Variants in SLC26A5 observed in about 807,000 individuals in gnomAD.
The protein encoded by SLC26A5 is solute carrier family 26 member 5, also known as prestin.
SLC26A5 carries 51 observed loss-of-function variants against 81.0 expected under a neutral mutation model. The observed-to-expected ratio is 0.63, with a 90% CI of 0.50 to 0.80. The LOEUF (loss-of-function observed/expected upper bound fraction) is 0.80, where lower values mean the gene tolerates loss of function less well. Among genes scored for constraint, SLC26A5 ranks in the 30% least tolerant of loss-of-function variants. SLC26A5 has a pLI of 0.00. For synonymous variants in SLC26A5, 325 were observed against 332.8 expected (o/e 0.98, Z 0.25); for missense variants, 771 against 905.8 (o/e 0.85, Z 1.91).
At chr7:103,405,668 T>C (rs995400901) in intron 8 of SLC26A5, among the ~76,000 whole-genome samples, 2 of 152,144 alleles carry the variant, frequency 1.3e-5, no homozygotes, top group Admixed American at 6.5e-5. Flanking sequence ...GGGTCCCACT[T>C]GAGAAGGCAG....
At position 103,378,528 on chromosome 7, in the gene SLC26A5, A is replaced by G. The variant is rs202170366; in HGVS notation, c.1703T>C (p.Met568Thr). Residue 568 changes from methionine (M) to threonine (T), a missense_variant, in exon 17 of 20, where the codon ATG becomes ACG. Met to Thr is a moderately conservative substitution (Grantham distance 81). Coordinates refer to ENST00000306312, the MANE Select transcript of SLC26A5 (RefSeq NM_198999.3). The stretch of plus-strand genomic sequence containing the variant: ...CCGCATGGCCTTTCTCCTTGCTCCC[A>G]TGATGACTGCTGGGTTCACTCCAGT... ...RKTGVNPAVIMGARRKAMRKY... is the reference protein window; with the variant it reads ...RKTGVNPAVITGARRKAMRKY... The G allele has an allele frequency of 4.3e-6, 7 of 1,614,144 alleles. 1 individual carries two copies. Among genetic ancestry groups the G allele is most frequent in the South Asian group, 1.1e-5 (1 of 91,070 alleles).
At chr7:103,359,438 T>G (rs957157846) in intron 19 of SLC26A5, among the ~76,000 whole-genome samples, 1 of 152,286 alleles carries the variant, frequency 6.6e-6, no homozygotes, top group East Asian at 1.9e-4. Context: ...AATTCCAGAA[T>G]AGAATATTTT....
chr7:103,402,662 G>A (rs560133381), intron 8 of SLC26A5, among the ~76,000 whole-genome samples: 2 of 152,098 alleles, frequency 1.3e-5, no homozygotes, highest in Admixed American at 6.6e-5. Context: ...GCCTCCCAAA[G>A]TGCTCGGATT....
intron 9 of SLC26A5, among the ~76,000 whole-genome samples, 174 bp downstream of exon 9, chr7:103,397,758 T>G (rs1225076580): frequency 6.6e-6 from 1 of 151,642 alleles, no homozygotes; most frequent in Non-Finnish European, 1.5e-5. Flanking sequence ...TTGTTATGTG[T>G]TTTTTACTAC....
chr7:103,379,035 T>C (rs1821576254), intron 16 of SLC26A5, among the ~76,000 whole-genome samples: 1 of 152,190 alleles, frequency 6.6e-6, no homozygotes, highest in Admixed American at 6.5e-5. Flanking sequence ...GGCTGCACAA[T>C]GTTTATGTAC....
rs1352257966 is a variant in SLC26A5, at chr7:103,410,407, C to T, written c.713G>A (p.Ser238Asn). ...YLFGVKTKRY[S>N]GIFSVVYSTV... ...TACATACACCACGGAAAAGATTCCA[C>T]TGTACCGCTTTGTTTTAACTCCAAA... is the stretch of plus-strand genomic sequence containing the variant. Residue 238 changes from serine to asparagine, a missense_variant, in exon 7 of 20, where the codon AGT becomes AAT. Physicochemically the swap from Ser to Asn is conservative, Grantham distance 46. Coordinates refer to ENST00000306312, the MANE Select transcript of SLC26A5 (RefSeq NM_198999.3). The T allele has an allele frequency of 1.2e-6, 2 of 1,614,018 alleles. No homozygotes were observed. The highest frequency in any genetic ancestry group is 1.7e-6 in the Non-Finnish European group (2 of 1,179,996).
intron 4 of SLC26A5, among the ~76,000 whole-genome samples, chr7:103,419,068 T>C (rs1825137221): frequency 6.6e-6 from 1 of 152,120 alleles, no homozygotes; most frequent in Non-Finnish European, 1.5e-5. Flanking sequence ...CGAGGGGCAG[T>C]TCCCCACACA....
In SLC26A5 at chr7:103,388,487, C is replaced by G. The variant is rs1369264993; in HGVS notation, c.1514+521G>C. On this transcript the variant is annotated intron_variant, in intron 14 of 19. Transcript: ENST00000306312. ...AAGTGCTGGGATTACAGGCGTGAGC[C>G]ACTGCACCCAACCATATATTTTTTT... 3 of 208,398 alleles carry G rather than the reference C, an allele frequency of 1.4e-5. No homozygotes were observed. In the East Asian group the frequency reaches 3.3e-4, roughly 23 times the overall value. The allele number at this position is 208,398 out of a possible 1,614,324, so 12.9% of individuals were successfully genotyped here.
At chr7:103,416,157 C>T (rs1824893510) in intron 4 of SLC26A5, among the ~76,000 whole-genome samples, 1 of 152,094 alleles carries the variant, frequency 6.6e-6, no homozygotes, top group Non-Finnish European at 1.5e-5. Flanking sequence ...TTTTAGGATA[C>T]TATAGTTTTA....
At chr7:103,364,926 G>GAA in intron 19 of SLC26A5, among the ~76,000 whole-genome samples, 1 of 137,286 alleles carries the variant, frequency 7.3e-6, no homozygotes, top group South Asian at 2.3e-4. Context: ...GAGAAAGTGA[G>GAA]AACATAGGTT....
chr7:103,426,867 T>G (rs1057442955), intron 2 of SLC26A5, among the ~76,000 whole-genome samples: 1 of 152,142 alleles, frequency 6.6e-6, no homozygotes, highest in South Asian at 2.1e-4. Flanking sequence ...TGATTGAAAT[T>G]ATAAATCACC....
chr7:103,436,398 G>T (rs1170612131), intron 2 of SLC26A5, among the ~76,000 whole-genome samples: 2 of 152,076 alleles, frequency 1.3e-5, no homozygotes, highest in African/African-American at 4.8e-5. Context: ...TTTGTTACAT[G>T]CTTCACATAC....
At position 103,392,739 on chromosome 7, in the gene SLC26A5, G is replaced by A. The variant is rs561297311; in HGVS notation, c.1119+180C>T. On this transcript the variant is annotated intron_variant, in intron 10 of 19. Coordinates refer to ENST00000306312, the MANE Select transcript of SLC26A5 (RefSeq NM_198999.3). ...ACTACAGGGGCCTGCCACCATGCCC[G>A]GCTAATTTTTTGTATTTTCAGTAGA... 5.3e-5 allele frequency among the ~76,000 whole-genome samples: 8 copies of A among 152,192 alleles called. No homozygotes were observed. In the South Asian group the frequency reaches 8.3e-4, roughly 16 times the overall value.
intron 19 of SLC26A5, among the ~76,000 whole-genome samples, chr7:103,366,872 T>C (rs1820744559): frequency 6.6e-6 from 1 of 152,200 alleles, no homozygotes. Context: ...TGGCATGATC[T>C]TGGCTCACTG....
At chr7:103,415,945 C>T (rs944282428) in intron 4 of SLC26A5, among the ~76,000 whole-genome samples, 1 of 152,172 alleles carries the variant, frequency 6.6e-6, no homozygotes, top group African/African-American at 2.4e-5. Context: ...GCTTGATCCT[C>T]TGGTGTTCTT....
downstream of SLC26A5, among the ~76,000 whole-genome samples, chr7:103,372,095 G>A (rs994686849): frequency 6.6e-6 from 1 of 152,188 alleles, no homozygotes; most frequent in African/African-American, 2.4e-5. Context: ...CTGAGGTTCT[G>A]CAACTACATG....
At chr7:103,438,026 T>C (rs1184580048) in intron 2 of SLC26A5, among the ~76,000 whole-genome samples, 1 of 152,172 alleles carries the variant, frequency 6.6e-6, no homozygotes, top group Non-Finnish European at 1.5e-5. Flanking sequence ...AAAACTAATC[T>C]ATGGTGATGG....
chr7:103,373,099 A>G (rs1821125194), downstream of SLC26A5, among the ~76,000 whole-genome samples: 1 of 152,206 alleles, frequency 6.6e-6, no homozygotes, highest in African/African-American at 2.4e-5. Flanking sequence ...CAACCAACTC[A>G]CAAACTTTAA....
chr7:103,414,617 T>C (rs1000497598), intron 4 of SLC26A5, among the ~76,000 whole-genome samples: 2 of 152,228 alleles, frequency 1.3e-5, no homozygotes, highest in South Asian at 2.1e-4. Context: ...CTTTTTAATA[T>C]TGAATATTTC....
Sources: allele counts gnomAD v4.1 joint callset (sites outside exome capture counted in the v4.1 genomes callset), GRCh38; gene constraint gnomAD v4.1.1; transcripts MANE v1.5; gene names NCBI Gene and HGNC (gene_info 2026-07-23, HGNC 2026-07-21).